WAC: variants seen among roughly 807,000 people sequenced by gnomAD.
WAC encodes WW domain containing adaptor with coiled-coil.
A neutral mutation model predicts 79.6 loss-of-function variants in WAC; 11 were observed. That is an observed-to-expected ratio of 0.14 (90% CI 0.09 to 0.23). The LOEUF (loss-of-function observed/expected upper bound fraction) is 0.23. Ranked by LOEUF, WAC falls within the 10% of genes least tolerant of loss-of-function variation. The probability of loss-of-function intolerance (pLI) is 1.00; values close to 1 mark genes in which losing one functional copy is unlikely to be tolerated. For missense variants in WAC, 728 were observed against 773.5 expected (o/e 0.94, Z 0.70); for synonymous variants, 304 against 276.9 (o/e 1.10, Z -0.97).
rs1361485729 is a variant in WAC, at chr10:28,538,741, AT to A, written c.274+2994del. Reference sequence around the variant, plus strand: ...CCTGTGTCTACTAAAAAAAAAAAAAATTTTTTTTTTGATTAGCTGGGTGTGG... The same window carrying A: ...CCTGTGTCTACTAAAAAAAAAAAAAATTTTTTTTTGATTAGCTGGGTGTGG... On this transcript the variant is annotated intron_variant, in intron 3 of 13. Transcript: ENST00000354911. 5.9e-3 allele frequency among the ~76,000 whole-genome samples: 872 copies of A among 148,072 alleles called. 5 individuals carry two copies. Among genetic ancestry groups the A allele is most frequent in the African/African-American group, 0.02 (812 of 40,358 alleles).
At position 28,620,312 on chromosome 10, in the gene WAC, G is replaced by C. The variant is rs1436073482; in HGVS notation, c.*706G>C. The C allele has an allele frequency of 1.3e-5, 2 of 152,480 alleles. No individual in the cohort carries two copies. Among genetic ancestry groups the C allele is most frequent in the Non-Finnish European group, 2.9e-5 (2 of 68,036 alleles). 9.4% of individuals were successfully genotyped at this position (152,480 alleles called of 1,614,324 possible). On this transcript the variant is annotated 3_prime_UTR_variant, in exon 14 of 14. Coordinates refer to ENST00000354911, the MANE Select transcript of WAC (RefSeq NM_016628.5). ...TTCCTGTGTACAGTAGCTTAAAATT[G>C]CAGTGATTGAGCATAACCTACTTGT...
intron 3 of WAC, chr10:28,538,163 A>G (rs1027413515): frequency 6.3e-6 from 1 of 158,846 alleles, no homozygotes; most frequent in African/African-American, 2.4e-5. Flanking sequence ...TGAGATATTT[A>G]GTCATTATAA....
intron 12 of WAC, among the ~76,000 whole-genome samples, chr10:28,617,328 C>G (rs1451354046): frequency 6.6e-6 from 1 of 152,188 alleles, no homozygotes; most frequent in African/African-American, 2.4e-5. Context: ...AATACCTGAA[C>G]TTGCAGAAAT....
rs1335952514 is a variant in WAC, at chr10:28,603,957, GTATGTATATATATATATATATATATATA to G, written c.920-4209_920-4182del. On this transcript the variant is annotated intron_variant, in intron 7 of 13. Coordinates refer to ENST00000354911, the MANE Select transcript of WAC (RefSeq NM_016628.5). ...TCAAAAAAAAAATATATATATGTAT[GTATGTATATATATATATATATATATATA>G]TATGTATATATATATATATTTCTAT... is the stretch of plus-strand genomic sequence containing the variant. Among the ~76,000 whole-genome samples the G allele has an allele frequency of 6.7e-3, 22 of 3,298 alleles. 1 individual carries two copies. Among genetic ancestry groups the G allele is most frequent in the Non-Finnish European group, 9.8e-3 (21 of 2,152 alleles). 2.2% of individuals were successfully genotyped at this position (3,298 alleles called of 152,430 possible). A position where few individuals can be genotyped will look rare whatever the true frequency, so the allele number is the denominator to read the frequency against.
intron 7 of WAC, among the ~76,000 whole-genome samples, chr10:28,605,713 G>A (rs1840908626): frequency 6.6e-6 from 1 of 151,976 alleles, no homozygotes; most frequent in Admixed American, 6.6e-5. Flanking sequence ...CAACACTGAA[G>A]GATTTTTAAG....
chr10:28,586,719 A>G (rs1208657329), intron 4 of WAC, among the ~76,000 whole-genome samples: 1 of 152,110 alleles, frequency 6.6e-6, no homozygotes, highest in Non-Finnish European at 1.5e-5. Flanking sequence ...AAAATAAAAA[A>G]ATCATGGTAT....
At chr10:28,591,966 A>G (rs963249815) in intron 6 of WAC, 7 of 152,184 alleles carry the variant, frequency 4.6e-5, no homozygotes, top group African/African-American at 1.4e-4. Context: ...TCCTGCTCCT[A>G]TAACTCAAAC....
At chr10:28,600,858 A>G (rs895057317) in intron 7 of WAC, among the ~76,000 whole-genome samples, 2 of 152,158 alleles carry the variant, frequency 1.3e-5, no homozygotes, top group Admixed American at 6.5e-5. Flanking sequence ...ACAAAGCAGA[A>G]TGAAAAAGAC....
In WAC at chr10:28,592,942, G is replaced by A. The variant is rs534275415; in HGVS notation, c.610+2110G>A. 1.7e-4 allele frequency among the ~76,000 whole-genome samples: 26 copies of A among 152,214 alleles called. No homozygotes were observed. The East Asian group carries it at 3.1e-3, about 18-fold the overall frequency. On this transcript the variant is annotated intron_variant, in intron 6 of 13. Coordinates refer to ENST00000354911, the MANE Select transcript of WAC (RefSeq NM_016628.5). ...TGCAGTTGTTATATTGATTGCGTAG[G>A]TATACCTTCATTGACAAATAATCCC...
intron 6 of WAC, among the ~76,000 whole-genome samples, chr10:28,594,537 A>G (rs1218625520): frequency 1.3e-5 from 2 of 152,160 alleles, no homozygotes; most frequent in Non-Finnish European, 2.9e-5. Context: ...AGTCATTGTC[A>G]GAAGACCTCG....
At chr10:28,593,882 TA>T (rs1840223385) in intron 6 of WAC, among the ~76,000 whole-genome samples, 1 of 152,216 alleles carries the variant, frequency 6.6e-6, no homozygotes. Flanking sequence ...GCTCTATGTT[TA>T]GAGAAACCTT....
At chr10:28,549,860 A>G (rs1192438814) in intron 3 of WAC, among the ~76,000 whole-genome samples, 1 of 152,118 alleles carries the variant, frequency 6.6e-6, no homozygotes, top group African/African-American at 2.4e-5. Context: ...ATATAACTTG[A>G]AGTTTAAAGA....
chr10:28,588,063 G>A (rs1432898906), intron 4 of WAC, among the ~76,000 whole-genome samples: 1 of 152,032 alleles, frequency 6.6e-6, no homozygotes, highest in Admixed American at 6.6e-5. Context: ...ACTGACCTCT[G>A]GTGTCCTCTG....
At chr10:28,558,080 AAAAAG>A (rs1838095109) in intron 3 of WAC, among the ~76,000 whole-genome samples, 1 of 152,196 alleles carries the variant, frequency 6.6e-6, no homozygotes, top group Non-Finnish European at 1.5e-5. Context: ...TCTCGGAAAA[AAAAAG>A]AAAATACTCT....
chr10:28,552,833 T>A (rs2132433239), intron 3 of WAC, among the ~76,000 whole-genome samples: 1 of 137,188 alleles, frequency 7.3e-6, no homozygotes, highest in African/African-American at 2.7e-5. Context: ...AGTGAGCAAA[T>A]CCACTTGGCT....
intron 8 of WAC, 117 bp downstream of exon 8, chr10:28,608,548 C>T: frequency 8.6e-7 from 1 of 1,159,028 alleles, no homozygotes; most frequent in Non-Finnish European, 1.2e-6. Context: ...TAGTTGAACA[C>T]TTTTTTTTGT....
chr10:28,606,478 C>A (rs943264426), intron 7 of WAC, among the ~76,000 whole-genome samples: 1 of 152,144 alleles, frequency 6.6e-6, no homozygotes, highest in Non-Finnish European at 1.5e-5. Context: ...TATACCCTTA[C>A]GCAAATAAAA....
intron 3 of WAC, among the ~76,000 whole-genome samples, chr10:28,561,792 C>G (rs1289620776): frequency 6.6e-6 from 1 of 152,158 alleles, no homozygotes; most frequent in African/African-American, 2.4e-5. Context: ...GCATTAGATT[C>G]TCATAGGAGC....
At chr10:28,597,165 A>T in intron 7 of WAC, among the ~76,000 whole-genome samples, 1 of 152,114 alleles carries the variant, frequency 6.6e-6, no homozygotes, top group Non-Finnish European at 1.5e-5. Context: ...ATAATGTGTC[A>T]GATTATTGCT....
Sources: gnomAD v4.1 joint callset for allele counts (sites outside exome capture counted in the v4.1 genomes callset) on GRCh38, gnomAD v4.1.1 for gene constraint, MANE v1.5 for transcripts, NCBI Gene and HGNC (gene_info 2026-07-23, HGNC 2026-07-21) for gene names.